Variants in CHD6 observed in about 807,000 individuals in gnomAD.
The protein encoded by CHD6 is ATP-dependent chromatin remodeler CHD6.
CHD6 carries 50 observed loss-of-function variants against 276.9 expected under a neutral mutation model. That is an observed-to-expected ratio of 0.18 (90% CI 0.14 to 0.23). The LOEUF (loss-of-function observed/expected upper bound fraction) is 0.23. CHD6 is among the 10% of genes least tolerant of loss of function. CHD6 has a pLI of 1.00. For missense variants in CHD6, 2,564 were observed against 3,365.8 expected, an observed-to-expected ratio of 0.76 and a Z score of 5.89; for synonymous variants, 1,173 against 1,229.3, an observed-to-expected ratio of 0.95 and a Z score of 0.96.
chr20:41,403,389 T>G lies in CHD6; in HGVS notation c.*1204A>C, dbSNP rs1156. On this transcript the variant is annotated 3_prime_UTR_variant, in exon 37 of 37. Transcript: ENST00000373233. ...ACATGGGGAAGTGCTGCTTAGGCAGTTTCTTTCTCAGTTCCTAAACATGGA... is the reference window on the plus strand; with the variant it reads ...ACATGGGGAAGTGCTGCTTAGGCAGGTTCTTTCTCAGTTCCTAAACATGGA... The G allele has an allele frequency of 0.94, 1,001,102 of 1,062,406 alleles. 471,842 individuals are homozygous for G. Among genetic ancestry groups the G allele is most frequent in the East Asian group, 1 (19,668 of 19,670 alleles). The allele number at this position is 1,062,406 out of a possible 1,614,324, so 65.8% of individuals were successfully genotyped here. A position where few individuals can be genotyped will look rare whatever the true frequency, so the allele number is the denominator to read the frequency against.
At chr20:41,449,673 T>C (rs1185966304) in intron 23 of CHD6, among the ~76,000 whole-genome samples, 4 of 152,216 alleles carry the variant, frequency 2.6e-5, no homozygotes, top group Non-Finnish European at 5.9e-5. Context: ...GGTGGCGACA[T>C]ATCCTTTTTT....
intron 17 of CHD6, among the ~76,000 whole-genome samples, chr20:41,471,573 T>C (rs2043053418): frequency 1.3e-5 from 2 of 152,116 alleles, no homozygotes; most frequent in South Asian, 4.2e-4. Context: ...TCTCGCTCTG[T>C]TGCCCAGGCT....
chr20:41,515,068 T>G, intron 3 of CHD6, 116 bp from the exon 4 acceptor site: 1 of 1,017,346 alleles, frequency 9.8e-7, no homozygotes, highest in Non-Finnish European at 1.5e-6. Flanking sequence ...CAGGCTTTAA[T>G]GGGGAATCTA....
intron 2 of CHD6, chr20:41,548,005 G>A (rs2045075951): frequency 4.2e-6 from 1 of 239,794 alleles, no homozygotes; most frequent in Admixed American, 5.0e-5. Context: ...AAATCGTAAG[G>A]TCAGAGTTTC....
intron 27 of CHD6, among the ~76,000 whole-genome samples, chr20:41,429,956 G>C (rs1211739286): frequency 6.6e-6 from 1 of 152,136 alleles, no homozygotes; most frequent in Non-Finnish European, 1.5e-5. Context: ...TTGAATTCAG[G>C]GGAACTGCTC....
chr20:41,556,118 G>A (rs1405705707), intron 1 of CHD6, among the ~76,000 whole-genome samples: 69 of 151,950 alleles, frequency 4.5e-4, no homozygotes, highest in African/African-American at 1.5e-3. Flanking sequence ...CAGGCGTGGC[G>A]GCGCGCACCT....
rs1238950224 is a variant in CHD6 at position 41,405,286 on chromosome 20, T to C, written c.7455A>G (p.Arg2485=). ...CGGTGAGGGGGATGCCTGGCATATT[T>C]CTCATGTTCTGAAGTCCTACCAGGT... ...GMDLVGLQNM[R]NMPGIPLTGL... Residue 2485 remains arginine, a synonymous_variant, in exon 37 of 37, where the codon AGA becomes AGG. Transcript: ENST00000373233. The C allele has an allele frequency of 6.2e-7, 1 of 1,614,200 alleles. No homozygotes were observed.
rs2046868520 is a variant in CHD6, at chr20:41,412,456, C to T, written c.7132-193G>A. ...CTCTCCTGAAGCACCAGTGTTCCTA[C>T]AGTAATCTGGAAAACAGGCTGTGTG... On this transcript the variant is annotated intron_variant, in intron 35 of 36. Coordinates refer to ENST00000373233, the MANE Select transcript of CHD6 (RefSeq NM_032221.5). 1.3e-5 allele frequency among the ~76,000 whole-genome samples: 2 copies of T among 152,236 alleles called. 1 individual carries two copies. The highest frequency in any genetic ancestry group is 4.8e-5 in the African/African-American group (2 of 41,462).
chr20:41,415,594 G>A lies in CHD6; in HGVS notation c.6531C>T (p.His2177=). The change falls in exon 34 of 37, where the codon CAC becomes CAT. Residue 2177 remains histidine, a synonymous_variant. Coordinates refer to ENST00000373233, the MANE Select transcript of CHD6 (RefSeq NM_032221.5). ...APVFTKDEQK[H]RRPYEFEVER... is the part of the protein sequence containing the mutation. Reference sequence around the variant, plus strand: ...CCACCTCAAACTCATAGGGACGCCTGTGCTTTTGTTCATCCTTTGTGAATA... The same window carrying A: ...CCACCTCAAACTCATAGGGACGCCTATGCTTTTGTTCATCCTTTGTGAATA... The A allele has an allele frequency of 6.2e-7, 1 of 1,610,626 alleles. No homozygotes were observed. Among genetic ancestry groups the A allele is most frequent in the African/African-American group, 1.3e-5 (1 of 74,936 alleles).
At chr20:41,570,227 C>T (rs2045402376) in intron 1 of CHD6, among the ~76,000 whole-genome samples, 1 of 152,200 alleles carries the variant, frequency 6.6e-6, no homozygotes, top group Non-Finnish European at 1.5e-5. Context: ...AGTCAGTGAA[C>T]TCTCATTAGG....
At chr20:41,465,118 T>C (rs370371610) in intron 17 of CHD6, among the ~76,000 whole-genome samples, 10 of 152,256 alleles carry the variant, frequency 6.6e-5, no homozygotes, top group African/African-American at 2.4e-4. Flanking sequence ...GGTAATAATT[T>C]ACTGAAAGCA....
At chr20:41,429,983 T>C (rs1312789326) in intron 27 of CHD6, among the ~76,000 whole-genome samples, 1 of 152,226 alleles carries the variant, frequency 6.6e-6, no homozygotes, top group East Asian at 1.9e-4. Context: ...ACAGGCTCTT[T>C]TTATACAATG....
intron 11 of CHD6, 36 bp downstream of exon 11, chr20:41,491,662 T>C (rs2043558507): frequency 6.2e-7 from 1 of 1,612,956 alleles, no homozygotes; most frequent in Non-Finnish European, 8.5e-7. Context: ...AATATACCTC[T>C]GGGTACAAAC....
intron 1 of CHD6, among the ~76,000 whole-genome samples, chr20:41,589,067 G>A (rs548381031): frequency 3.9e-5 from 6 of 152,150 alleles, no homozygotes; most frequent in African/African-American, 1.2e-4. Flanking sequence ...TTCAACATAC[G>A]CAAATCAATA....
At chr20:41,591,280 C>T (rs999741818) in intron 1 of CHD6, among the ~76,000 whole-genome samples, 1 of 151,234 alleles carries the variant, frequency 6.6e-6, no homozygotes, top group Non-Finnish European at 1.5e-5. Flanking sequence ...TTAATGGGTA[C>T]AGCACACCAA....
chr20:41,556,392 G>A (rs939992253), intron 1 of CHD6, among the ~76,000 whole-genome samples: 1 of 148,658 alleles, frequency 6.7e-6, no homozygotes, highest in African/African-American at 2.5e-5. Context: ...GCTTTCTGAA[G>A]AGCACTCAGG....
chr20:41,564,142 G>T, intron 1 of CHD6: 2 of 759,042 alleles, frequency 2.6e-6, no homozygotes, highest in South Asian at 2.8e-5. Context: ...ATATGAGACT[G>T]ACACATGGGC....
Position 41,403,840 on chromosome 20 carries a change from C to T in CHD6, c.*753G>A, listed in dbSNP as rs537016140. On this transcript the variant is annotated 3_prime_UTR_variant, in exon 37 of 37. Transcript: ENST00000373233. ...GGAGCGCGGGTCCTTGCCCCACCCCCGTCGACAGCAATAACTCATGGTGGG... is the reference window on the plus strand; with the variant it reads ...GGAGCGCGGGTCCTTGCCCCACCCCTGTCGACAGCAATAACTCATGGTGGG... The T allele has an allele frequency of 1.2e-5, 13 of 1,057,096 alleles. No homozygotes were observed. The South Asian group carries it at 1.4e-4, about 11-fold the overall frequency. The allele number at this position is 1,057,096 out of a possible 1,614,324, so 65.5% of individuals were successfully genotyped here. A position where few individuals can be genotyped will look rare whatever the true frequency, so the allele number is the denominator to read the frequency against.
intron 16 of CHD6, among the ~76,000 whole-genome samples, chr20:41,476,629 G>A (rs1260369312): frequency 6.6e-6 from 1 of 152,036 alleles, no homozygotes; most frequent in Admixed American, 6.6e-5. Context: ...ACACTAAGGG[G>A]CCATGCTTTG....
Sources: gnomAD v4.1 joint callset for allele counts (sites outside exome capture counted in the v4.1 genomes callset) on GRCh38, gnomAD v4.1.1 for gene constraint, MANE v1.5 for transcripts, NCBI Gene and HGNC (gene_info 2026-07-23, HGNC 2026-07-21) for gene names.